VTI1A: variants seen among roughly 807,000 people sequenced by gnomAD.
The protein encoded by VTI1A is vesicle transport through interaction with t-SNAREs 1A, also known as vesicle transport through interaction with t-SNAREs homolog 1A.
In VTI1A, 22 loss-of-function variants were observed where a neutral mutation model predicts 34.9. That is an observed-to-expected ratio of 0.63 (90% CI 0.45 to 0.90). The LOEUF is 0.90. Ranked by LOEUF, VTI1A falls within the 40% of genes least tolerant of loss-of-function variation. The probability of loss-of-function intolerance (pLI) is 0.00; values close to 1 mark genes in which losing one functional copy is unlikely to be tolerated. For missense variants in VTI1A, 268 were observed against 275.6 expected, an observed-to-expected ratio of 0.97 and a Z score of 0.20; for synonymous variants, 87 against 97.3, an observed-to-expected ratio of 0.89 and a Z score of 0.62.
At chr10:112,657,652 A>T (rs1477635336) in intron 5 of VTI1A, among the ~76,000 whole-genome samples, 1 of 152,144 alleles carries the variant, frequency 6.6e-6, no homozygotes, top group African/African-American at 2.4e-5. Flanking sequence ...AAACTATAAA[A>T]CTCTTAGAAG....
At chr10:112,746,214 T>C (rs1384432566) in intron 7 of VTI1A, among the ~76,000 whole-genome samples, 1 of 152,220 alleles carries the variant, frequency 6.6e-6, no homozygotes, top group African/African-American at 2.4e-5. Flanking sequence ...ACTCACTGCC[T>C]CTACTCCACC....
intron 7 of VTI1A, among the ~76,000 whole-genome samples, chr10:112,725,305 G>A (rs1222161223): frequency 6.6e-6 from 1 of 152,106 alleles, no homozygotes; most frequent in African/African-American, 2.4e-5. Flanking sequence ...TTCATTTTAT[G>A]TATTTGAATA....
the VTI1A span, among the ~76,000 whole-genome samples, chr10:112,842,051 C>CTTT: frequency 8.0e-4 from 53 of 66,612 alleles, no homozygotes; most frequent in South Asian, 1.6e-3. Context: ...TTTTTTTTTC[C>CTTT]TTTTTTTTTT....
the VTI1A span, among the ~76,000 whole-genome samples, chr10:112,848,483 A>G: frequency 6.6e-6 from 1 of 152,208 alleles, no homozygotes; most frequent in Non-Finnish European, 1.5e-5. Context: ...GAGAGCAGAG[A>G]AACCTCAAGA....
intron 5 of VTI1A, among the ~76,000 whole-genome samples, chr10:112,623,173 C>T (rs1218832698): frequency 2.6e-5 from 4 of 151,960 alleles, no homozygotes; most frequent in Non-Finnish European, 5.9e-5. Context: ...TGCTCTTAAA[C>T]CATTTGTTTT....
chr10:112,819,099 T>G (rs1285186085), downstream of VTI1A, among the ~76,000 whole-genome samples: 1 of 152,192 alleles, frequency 6.6e-6, no homozygotes, highest in Non-Finnish European at 1.5e-5. Flanking sequence ...GAAAAATAAT[T>G]GTTCTTAATT....
chr10:112,744,601 T>C (rs1461791351), intron 7 of VTI1A, among the ~76,000 whole-genome samples: 3 of 151,820 alleles, frequency 2.0e-5, no homozygotes, highest in African/African-American at 7.3e-5. Flanking sequence ...CATGTCACCA[T>C]GCATGACTTA....
At chr10:112,653,058 T>C (rs1847096995) in intron 5 of VTI1A, among the ~76,000 whole-genome samples, 1 of 152,238 alleles carries the variant, frequency 6.6e-6, no homozygotes, top group Non-Finnish European at 1.5e-5. Context: ...CAGAATTTTC[T>C]GGGGTTTAAA....
intron 7 of VTI1A, among the ~76,000 whole-genome samples, chr10:112,769,631 T>C (rs1268042492): frequency 6.6e-6 from 1 of 152,212 alleles, no homozygotes; most frequent in African/African-American, 2.4e-5. Context: ...CCTTAGGTTC[T>C]GTTCTGGGTG....
intron 7 of VTI1A, among the ~76,000 whole-genome samples, chr10:112,800,811 C>A (rs1270623296): frequency 6.6e-6 from 1 of 152,214 alleles, no homozygotes; most frequent in Non-Finnish European, 1.5e-5. Context: ...GACACTGGTA[C>A]ATCTTCTCCT....
At position 112,635,249 on chromosome 10, in the gene VTI1A, G is replaced by A. The variant is rs749517610; in HGVS notation, c.428-32969G>A. Among the ~76,000 whole-genome samples the A allele has an allele frequency of 4.7e-4, 72 of 152,194 alleles. 1 individual carries two copies. Among genetic ancestry groups the A allele is most frequent in the Admixed American group, 1.3e-4 (2 of 15,284 alleles). The stretch of plus-strand genomic sequence containing the variant: ...GTAAATCTTGTGGAGATGAGACAGC[G>A]TGCTGAGGAATTTAAGGAGAAAGAT... On this transcript the variant is annotated intron_variant, in intron 5 of 7. Coordinates refer to ENST00000393077, the MANE Select transcript of VTI1A (RefSeq NM_145206.4).
chr10:112,716,047 C>T (rs1292573876), intron 7 of VTI1A, among the ~76,000 whole-genome samples: 2 of 152,018 alleles, frequency 1.3e-5, no homozygotes, highest in African/African-American at 4.8e-5. Context: ...GAGCGGACCC[C>T]TAGAAGGGGA....
chr10:112,803,094 G>C (rs1054571030), intron 7 of VTI1A, among the ~76,000 whole-genome samples: 1 of 152,092 alleles, frequency 6.6e-6, no homozygotes, highest in Non-Finnish European at 1.5e-5. Context: ...TTGAGACGAA[G>C]TTTCGCTCTT....
chr10:112,449,381 A>G (rs1847141942), intron 1 of VTI1A: 1 of 152,244 alleles, frequency 6.6e-6, no homozygotes, highest in African/African-American at 2.4e-5. Flanking sequence ...AGATCGTGTT[A>G]CAATTTTTTT....
chr10:112,499,535 C>A (rs913686672), intron 3 of VTI1A, among the ~76,000 whole-genome samples: 15 of 152,202 alleles, frequency 9.9e-5, no homozygotes, highest in African/African-American at 3.4e-4. Context: ...CCTAGACTTT[C>A]ACATTGCATT....
At chr10:112,553,254 G>C (rs990822250) in intron 5 of VTI1A, among the ~76,000 whole-genome samples, 1 of 152,178 alleles carries the variant, frequency 6.6e-6, no homozygotes, top group Non-Finnish European at 1.5e-5. Context: ...GCTTTGCTAC[G>C]AGACAGACTC....
intron 5 of VTI1A, among the ~76,000 whole-genome samples, chr10:112,545,553 A>G (rs1434926805): frequency 6.6e-6 from 1 of 152,162 alleles, no homozygotes; most frequent in Non-Finnish European, 1.5e-5. Flanking sequence ...ATTTTGGTCA[A>G]TTTTGCATCA....
intron 5 of VTI1A, among the ~76,000 whole-genome samples, chr10:112,642,327 G>A (rs576927474): frequency 2.6e-5 from 4 of 152,204 alleles, no homozygotes; most frequent in South Asian, 2.1e-4. Flanking sequence ...GAGGAACTCC[G>A]CACAAAATGT....
At chr10:112,537,265 GCA>G (rs143490308) in intron 4 of VTI1A, among the ~76,000 whole-genome samples, 1 of 112,084 alleles carries the variant, frequency 8.9e-6, no homozygotes, top group African/African-American at 3.1e-5. Flanking sequence ...ACACACACAC[GCA>G]CACACACACA....
Sources: allele counts gnomAD v4.1 joint callset (sites outside exome capture counted in the v4.1 genomes callset), GRCh38; gene constraint gnomAD v4.1.1; transcripts MANE v1.5; gene names NCBI Gene and HGNC (gene_info 2026-07-23, HGNC 2026-07-21).